Variants in DLEC1 observed in about 807,000 individuals in gnomAD.
DLEC1 encodes the protein deleted in lung and esophageal cancer protein 1.
In DLEC1, 146 loss-of-function variants were observed where a neutral mutation model predicts 198.1. That is an observed-to-expected ratio of 0.74 (90% confidence interval 0.64 to 0.85). DLEC1 has a LOEUF of 0.85. DLEC1 is among the 40% of genes least tolerant of loss of function. DLEC1 has a pLI of 0.00. For synonymous variants in DLEC1, 897 were observed against 866.8 expected (o/e 1.03, Z -0.61); for missense variants, 2,233 against 2,220.0 (o/e 1.01, Z -0.12).
Position 38,107,710 on chromosome 3 carries a change from C to T in DLEC1, c.2991C>T (p.Leu997=), listed in dbSNP as rs1223124216. The stretch of plus-strand genomic sequence containing the variant: ...CCATCACACTTATCAATGGCACGCT[C>T]CTGCCTACCCAGTTCCACTGGGGCA... ...KTTITLINGT[L]LPTQFHWGKL... Residue 997 remains leucine, a synonymous_variant, in exon 20 of 37, where the codon CTC becomes CTT. Coordinates refer to ENST00000308059, the MANE Select transcript of DLEC1 (RefSeq NM_007335.4). 6.2e-7 allele frequency: 1 copy of T among 1,613,964 alleles called. No individual in the cohort carries two copies. The highest frequency in any genetic ancestry group is 1.7e-5 in the Admixed American group (1 of 59,990).
intron 34 of DLEC1, among the ~76,000 whole-genome samples, chr3:38,121,137 G>A (rs1264664830): frequency 1.3e-5 from 2 of 152,238 alleles, no homozygotes; most frequent in African/African-American, 4.8e-5. Flanking sequence ...GAGCAGTGGA[G>A]CCGAGGCGCT....
At chr3:38,061,164 CTTGT>C (rs139477978) in intron 3 of DLEC1, among the ~76,000 whole-genome samples, 59,622 of 151,110 alleles carry the variant, frequency 0.39, 12,049 homozygotes, top group East Asian at 0.57. Flanking sequence ...GGATGGTTTT[CTTGT>C]TTGTTTGTTT....
intron 19 of DLEC1, among the ~76,000 whole-genome samples, chr3:38,106,361 G>C (rs1171839707): frequency 6.6e-6 from 1 of 152,186 alleles, no homozygotes; most frequent in Non-Finnish European, 1.5e-5. Flanking sequence ...AATCTGTAGG[G>C]CAGGTTTTCA....
At chr3:38,121,025 C>CAAA (rs1700426362) in intron 34 of DLEC1, among the ~76,000 whole-genome samples, 1 of 152,130 alleles carries the variant, frequency 6.6e-6, no homozygotes, top group African/African-American at 2.4e-5. Context: ...CACCATGGAC[C>CAAA]AGGTCACCAG....
At position 38,116,682 on chromosome 3, in the gene DLEC1, G is replaced by A. The variant is rs1204759084; in HGVS notation, c.4062+24G>A. ...CAGTGAGCAGGGGTGGAGGGGCGGG[G>A]CAGGCTGGCCACTGAGGGCCACTGA... is the stretch of plus-strand genomic sequence containing the variant. On this transcript the variant is annotated intron_variant, in intron 28 of 36. Coordinates refer to ENST00000308059, the MANE Select transcript of DLEC1 (RefSeq NM_007335.4). The A allele has an allele frequency of 3.1e-6, 5 of 1,612,798 alleles. No homozygotes were observed. In the African/African-American group the frequency reaches 4.0e-5, roughly 13 times the overall value.
intron 6 of DLEC1, among the ~76,000 whole-genome samples, chr3:38,082,070 C>G (rs1351033989): frequency 4.2e-5 from 6 of 142,216 alleles, no homozygotes; most frequent in African/African-American, 8.0e-5. Context: ...GGTCTCCTCA[C>G]TTCTCAGACG....
At chr3:38,087,593 C>T (rs1047139960) in intron 9 of DLEC1, among the ~76,000 whole-genome samples, 4 of 151,156 alleles carry the variant, frequency 2.6e-5, no homozygotes, top group Non-Finnish European at 4.4e-5. Context: ...TCAGCATGCT[C>T]ACACCATCCA....
At chr3:38,096,864 G>C in intron 15 of DLEC1, 127 bp downstream of exon 15, 1 of 1,211,310 alleles carries the variant, frequency 8.3e-7, no homozygotes, top group Non-Finnish European at 1.1e-6. Flanking sequence ...GCCATTCCCA[G>C]GGCTTTGAAC....
intron 6 of DLEC1, among the ~76,000 whole-genome samples, chr3:38,075,401 G>A (rs553334581): frequency 2.0e-5 from 3 of 152,264 alleles, no homozygotes; most frequent in South Asian, 4.1e-4. Flanking sequence ...AAGCAGTGTT[G>A]CAGAAGAAAA....
chr3:38,093,484 G>A, intron 11 of DLEC1, 121 bp from the exon 12 acceptor site: 1 of 1,164,492 alleles, frequency 8.6e-7, no homozygotes, highest in Non-Finnish European at 1.2e-6. Flanking sequence ...TCCAGTGTGA[G>A]CTTGCAGGAA....
chr3:38,088,496 T>A (rs1698581469), intron 10 of DLEC1, 108 bp downstream of exon 10: 7 of 1,041,316 alleles, frequency 6.7e-6, no homozygotes, highest in Admixed American at 6.1e-5. Context: ...ACAGCCTTAG[T>A]GACTTCTGGG....
chr3:38,107,853 C>T (rs1699650130), intron 20 of DLEC1, 116 bp downstream of exon 20: 4 of 1,205,002 alleles, frequency 3.3e-6, no homozygotes, highest in Admixed American at 2.4e-5. Context: ...CAGCCTCCCT[C>T]CCACAGCCTG....
chr3:38,042,484 T>C (rs1382671873), intron 1 of DLEC1, among the ~76,000 whole-genome samples: 1 of 152,110 alleles, frequency 6.6e-6, no homozygotes, highest in Admixed American at 6.5e-5. Flanking sequence ...GAATTAATTT[T>C]GTAATTACAA....
intron 7 of DLEC1, 150 bp from the exon 8 acceptor site, chr3:38,085,124 G>A (rs1168163523): frequency 1.9e-5 from 15 of 797,850 alleles, no homozygotes; most frequent in Admixed American, 1.0e-4. Context: ...TGCTCCCCTC[G>A]CATGCCCTTT....
chr3:38,089,003 G>C (rs1356913783), intron 10 of DLEC1, among the ~76,000 whole-genome samples: 2 of 152,114 alleles, frequency 1.3e-5, no homozygotes, highest in Non-Finnish European at 2.9e-5. Context: ...GCAGCACACT[G>C]CCACTCTCCC....
At chr3:38,110,549 C>T (rs563175684) in intron 23 of DLEC1, among the ~76,000 whole-genome samples, 1 of 152,302 alleles carries the variant, frequency 6.6e-6, no homozygotes, top group African/African-American at 2.4e-5. Flanking sequence ...ATGGACCAGG[C>T]AGATGGGCCT....
At chr3:38,043,374 C>T (rs1382882841) in intron 1 of DLEC1, among the ~76,000 whole-genome samples, 3 of 152,202 alleles carry the variant, frequency 2.0e-5, no homozygotes, top group Non-Finnish European at 4.4e-5. Context: ...GGACTAGATG[C>T]TAATTCCTAC....
intron 2 of DLEC1, among the ~76,000 whole-genome samples, chr3:38,048,865 T>TC (rs1357707984): frequency 6.6e-6 from 1 of 151,884 alleles, no homozygotes; most frequent in Non-Finnish European, 1.5e-5. Flanking sequence ...TCTTCCTGTT[T>TC]CCCCCTCCAC....
chr3:38,101,717 T>C (rs538320237), intron 19 of DLEC1, among the ~76,000 whole-genome samples: 3 of 152,178 alleles, frequency 2.0e-5, no homozygotes, highest in Non-Finnish European at 4.4e-5. Flanking sequence ...TGTTGGACTT[T>C]GTATACTTGA....
Sources: allele counts gnomAD v4.1 joint callset (sites outside exome capture counted in the v4.1 genomes callset), GRCh38; gene constraint gnomAD v4.1.1; transcripts MANE v1.5; gene names NCBI Gene and HGNC (gene_info 2026-07-23, HGNC 2026-07-21).